ATP13A4: variants seen among roughly 807,000 people sequenced by gnomAD.
ATP13A4 encodes probable cation-transporting ATPase 13A4.
A neutral mutation model predicts 142.5 loss-of-function variants in ATP13A4; 114 were observed. That is an observed-to-expected ratio of 0.80 (90% CI 0.69 to 0.93). ATP13A4 has a LOEUF of 0.93. Ranked by LOEUF, ATP13A4 falls within the 40% of genes least tolerant of loss-of-function variation. The pLI, the probability that ATP13A4 is intolerant of heterozygous loss-of-function variation, is 0.00. For synonymous variants in ATP13A4, 488 were observed against 514.8 expected (o/e 0.95, Z 0.70); for missense variants, 1,392 against 1,454.0 (o/e 0.96, Z 0.69).
rs751720248 is a variant in ATP13A4 at position 193,493,013 on chromosome 3, T to C, written c.453-16A>G. 1.9e-6 allele frequency: 3 copies of C among 1,604,592 alleles called. No individual in the cohort carries two copies. Among genetic ancestry groups the C allele is most frequent in the South Asian group, 2.2e-5 (2 of 90,770 alleles). On this transcript the variant is annotated splice_polypyrimidine_tract_variant and intron_variant, in intron 4 of 29. Transcript: ENST00000342695. The stretch of plus-strand genomic sequence containing the variant: ...TTCCAAAGAACTAAAATAATAATAA[T>C]GAAAAGAACATATTTAGCAATAATA...
intron 2 of ATP13A4, among the ~76,000 whole-genome samples, chr3:193,511,136 CA>C (rs1721120353): frequency 6.6e-6 from 1 of 152,066 alleles, no homozygotes; most frequent in Non-Finnish European, 1.5e-5. Flanking sequence ...AAATGACACA[CA>C]AGAGCAGGCA....
At chr3:193,539,791 G>A (rs757850051) in intron 1 of ATP13A4, among the ~76,000 whole-genome samples, 64 of 152,106 alleles carry the variant, frequency 4.2e-4, no homozygotes, top group Non-Finnish European at 7.9e-4. Context: ...TTAGCAATGG[G>A]TATAGGACGT....
chr3:193,581,506 T>A (rs758672000), intron 2 of ATP13A4, among the ~76,000 whole-genome samples: 3 of 152,152 alleles, frequency 2.0e-5, no homozygotes, highest in Non-Finnish European at 2.9e-5. Flanking sequence ...ACAAATGCAA[T>A]GGACGTGATA....
chr3:193,521,976 G>C (rs972256972), intron 1 of ATP13A4, among the ~76,000 whole-genome samples: 1 of 151,804 alleles, frequency 6.6e-6, no homozygotes, highest in Non-Finnish European at 1.5e-5. Context: ...AAAAAAAACT[G>C]CACCTCCATC....
At chr3:193,582,152 T>C (rs1247755761) in intron 1 of ATP13A4, among the ~76,000 whole-genome samples, 3 of 37,646 alleles carry the variant, frequency 8.0e-5, no homozygotes, top group Admixed American at 2.2e-4. Flanking sequence ...TTCTTTTCTT[T>C]TTTTTTTTTT....
chr3:193,514,844 A>G lies in ATP13A4; in HGVS notation c.88T>C (p.Cys30Arg). 1.2e-6 allele frequency: 2 copies of G among 1,614,224 alleles called. No individual in the cohort carries two copies. The highest frequency in any genetic ancestry group is 1.7e-6 in the Non-Finnish European group (2 of 1,180,032). ...MEIFGYRTQG[C>R]RKSLCLAGSI... ...CCGGCAAGGCAGAGACTTTTCCGGC[A>G]GCCTTGAGTCCGATAGCCAAATATC... The change falls in exon 2 of 30, where the codon TGC (cysteine) becomes CGC (arginine). Residue 30 changes from cysteine (C) to arginine (R), a missense_variant. By Grantham distance (180) the Cys-to-Arg change is radical. Coordinates refer to ENST00000342695, the MANE Select transcript of ATP13A4 (RefSeq NM_032279.4).
At chr3:193,415,576 T>C (rs1005416812) in intron 25 of ATP13A4, among the ~76,000 whole-genome samples, 1 of 152,306 alleles carries the variant, frequency 6.6e-6, no homozygotes, top group Admixed American at 6.5e-5. Context: ...AAAAGGAGCA[T>C]AGCAGGCCTT....
chr3:193,464,946 A>C lies in ATP13A4; in HGVS notation c.1455T>G (p.Phe485Leu). 1 of 1,613,476 alleles carries C rather than the reference A, an allele frequency of 6.2e-7. No individual in the cohort carries two copies. The highest frequency in any genetic ancestry group is 1.1e-5 in the South Asian group (1 of 91,062). The change falls in exon 12 of 30, where the codon TTT becomes TTG. Residue 485 changes from phenylalanine to leucine, a missense_variant. Physicochemically the swap from Phe to Leu is conservative, Grantham distance 22. Transcript: ENST00000342695. ...AAGGATGAAACACACATACCTTGTC[A>C]AAGCAGACAAGGTTTAACTGTCCAC... ...NVCGQLNLVC[F>L]DKTGTLTRDG...
At position 193,491,396 on chromosome 3, in the gene ATP13A4, C is replaced by A. The variant is rs1411650216; in HGVS notation, c.536G>T (p.Arg179Met). Residue 179 changes from arginine (R) to methionine (M), a missense_variant and splice_region_variant, in exon 6 of 30, where the codon AGG becomes ATG. Arg to Met is a moderately conservative substitution (Grantham distance 91). Transcript: ENST00000342695. ...GATAGTATTAGGCCCACATATTAAC[C>A]TCCTATAGAAAGAAATCACAGATCA... ...GLTREEQEIR[R>M]LICGPNTIDV... is the part of the protein sequence containing the mutation. 1.9e-6 allele frequency: 3 copies of A among 1,576,514 alleles called. No individual in the cohort carries two copies. Among genetic ancestry groups the A allele is most frequent in the Admixed American group, 1.7e-5 (1 of 59,926 alleles).
Position 193,492,492 on chromosome 3 carries a change from T to C in ATP13A4, c.533+425A>G, listed in dbSNP as rs531787690. Among the ~76,000 whole-genome samples, 82 of 152,322 alleles carry C rather than the reference T, an allele frequency of 5.4e-4. 1 individual carries two copies. Among genetic ancestry groups the C allele is most frequent in the Middle Eastern group, 3.4e-3 (1 of 294 alleles). On this transcript the variant is annotated intron_variant, in intron 5 of 29. Coordinates refer to ENST00000342695, the MANE Select transcript of ATP13A4 (RefSeq NM_032279.4). The stretch of plus-strand genomic sequence containing the variant: ...CTCCATGGTTATTATTTAACTGCGT[T>C]ATCATGGTCTAATATGTATTTCTTG...
In ATP13A4 at chr3:193,467,396, T is replaced by G; in HGVS notation, c.1034A>C (p.His345Pro). 1 of 1,614,088 alleles carries G rather than the reference T, an allele frequency of 6.2e-7. No homozygotes were observed. The highest frequency in any genetic ancestry group is 8.5e-7 in the Non-Finnish European group (1 of 1,180,012). The change falls in exon 10 of 30, where the codon CAT (histidine) becomes CCT (proline). Residue 345 changes from histidine to proline, a missense_variant. By Grantham distance (77) the His-to-Pro change is moderately conservative (BLOSUM62 -2). Coordinates refer to ENST00000342695, the MANE Select transcript of ATP13A4 (RefSeq NM_032279.4). ...AACCTCTGTTCCACAGAAGAGGACA[T>G]GCCGCTTGTAATCCGCTTCACTCTG... Reference protein sequence around the residue: ...KTQSEADYKRHVLFCGTEVIQ... With the variant: ...KTQSEADYKRPVLFCGTEVIQ...
intron 7 of ATP13A4, 36 bp downstream of exon 7, chr3:193,489,694 C>T: frequency 6.3e-7 from 1 of 1,580,172 alleles, no homozygotes; most frequent in Non-Finnish European, 8.7e-7. Flanking sequence ...ATTATCCTTC[C>T]CTTTATGAAA....
At chr3:193,513,654 G>A (rs572586394) in intron 2 of ATP13A4, among the ~76,000 whole-genome samples, 1 of 152,340 alleles carries the variant, frequency 6.6e-6, no homozygotes, top group South Asian at 2.1e-4. Context: ...CATGAGTGCT[G>A]CAAGGAATTG....
intron 20 of ATP13A4, 41 bp from the exon 21 acceptor site, chr3:193,440,678 C>G (rs763618119): frequency 6.3e-7 from 1 of 1,591,678 alleles, no homozygotes; most frequent in Non-Finnish European, 8.6e-7. Context: ...ATCAAGTCAT[C>G]TGGTTGTACA....
At position 193,399,155 on chromosome 3, in the gene ATP13A4, CT is replaced by C. The variant is rs1056915469; in HGVS notation, c.*3496del. Among the ~76,000 whole-genome samples, 19 of 152,092 alleles carry C rather than the reference CT, an allele frequency of 1.2e-4. No homozygotes were observed. Among genetic ancestry groups the C allele is most frequent in the African/African-American group, 4.3e-4 (18 of 41,408 alleles). ...AGTCACGGTTCTCTGTGGGTAAGAG[CT>C]AGATGCCTTGAGATGAACATACAGG... is the stretch of plus-strand genomic sequence containing the variant. On this transcript the variant is annotated 3_prime_UTR_variant, in exon 30 of 30. Coordinates refer to ENST00000342695, the MANE Select transcript of ATP13A4 (RefSeq NM_032279.4).
chr3:193,538,852 C>G (rs375542252), intron 1 of ATP13A4, among the ~76,000 whole-genome samples: 14 of 150,044 alleles, frequency 9.3e-5, no homozygotes, highest in African/African-American at 3.4e-4. Flanking sequence ...AATATGCAGA[C>G]AAATGGAGGT....
At position 193,400,094 on chromosome 3, in the gene ATP13A4, A is replaced by G. The variant is rs1714217143; in HGVS notation, c.*2558T>C. 6.6e-6 allele frequency among the ~76,000 whole-genome samples: 1 copy of G among 152,088 alleles called. No individual in the cohort carries two copies. The highest frequency in any genetic ancestry group is 1.5e-5 in the Non-Finnish European group (1 of 68,012). ...GCCATCCCCACTGTGATCTTTACCC[A>G]TTTGTCCTGATTTTGCCTTCTCATG... On this transcript the variant is annotated 3_prime_UTR_variant, in exon 30 of 30. Transcript: ENST00000342695.
chr3:193,488,698 G>C (rs1294666101), intron 7 of ATP13A4, among the ~76,000 whole-genome samples: 2 of 152,178 alleles, frequency 1.3e-5, no homozygotes, highest in South Asian at 2.1e-4. Context: ...CAGACACAAA[G>C]ACTCTAGAAG....
At chr3:193,466,515 AC>A (rs1718297728) in intron 10 of ATP13A4, among the ~76,000 whole-genome samples, 1 of 152,208 alleles carries the variant, frequency 6.6e-6, no homozygotes, top group South Asian at 2.1e-4. Context: ...CACACATGTC[AC>A]TGAATTGAAA....
Sources: gnomAD v4.1 joint callset for allele counts (sites outside exome capture counted in the v4.1 genomes callset) on GRCh38, gnomAD v4.1.1 for gene constraint, MANE v1.5 for transcripts, NCBI Gene and HGNC (gene_info 2026-07-23, HGNC 2026-07-21) for gene names.